The following WDPCP variants were observed in gnomAD, a reference collection of about 807,000 sequenced individuals.
The protein encoded by WDPCP is WD repeat containing planar cell polarity effector, also known as WD repeat-containing and planar cell polarity effector protein fritz homolog.
WDPCP carries 71 observed loss-of-function variants against 93.1 expected under a neutral mutation model. The ratio of observed to expected loss-of-function variants is 0.76; its 90% CI spans 0.63 to 0.93. The LOEUF is 0.93. WDPCP is among the 40% of genes least tolerant of loss of function. The pLI, the probability that WDPCP is intolerant of heterozygous loss-of-function variation, is 0.00. For missense variants in WDPCP, 844 were observed against 887.4 expected, an observed-to-expected ratio of 0.95 and a Z score of 0.62; for synonymous variants, 315 against 315.0, an observed-to-expected ratio of 1.00 and a Z score of 0.00.
At chr2:63,408,866 C>T (rs1257142087) in intron 9 of WDPCP, among the ~76,000 whole-genome samples, 2 of 152,044 alleles carry the variant, frequency 1.3e-5, no homozygotes, top group South Asian at 2.1e-4. Context: ...GGAATGTCAC[C>T]CCCATCCCCC....
chr2:63,517,333 T>A (rs1462820362), intron 1 of WDPCP, among the ~76,000 whole-genome samples: 1 of 152,158 alleles, frequency 6.6e-6, no homozygotes, highest in African/African-American at 2.4e-5. Flanking sequence ...TCATTTCCTA[T>A]GTTTCAAGTC....
chr2:63,484,744 CAA>C (rs1700465255), intron 5 of WDPCP, 81 bp from the exon 6 acceptor site: 1 of 1,574,360 alleles, frequency 6.4e-7, no homozygotes, highest in Non-Finnish European at 8.7e-7. Flanking sequence ...GATTTGCAAG[CAA>C]AAAAAGATCA....
chr2:63,295,613 G>C (rs1241785984), intron 13 of WDPCP, among the ~76,000 whole-genome samples: 2 of 151,722 alleles, frequency 1.3e-5, no homozygotes, highest in African/African-American at 2.4e-5. Context: ...AAATATAAAA[G>C]ATCATCAGAG....
intron 3 of WDPCP, among the ~76,000 whole-genome samples, chr2:63,621,894 T>C (rs1709741826): frequency 1.3e-5 from 2 of 151,274 alleles, no homozygotes; most frequent in Admixed American, 1.3e-4. Flanking sequence ...TTTTTTATTA[T>C]ACTTTAAGTT....
chr2:63,242,098 C>A (rs1236422945), intron 14 of WDPCP, among the ~76,000 whole-genome samples: 1 of 152,064 alleles, frequency 6.6e-6, no homozygotes, highest in Non-Finnish European at 1.5e-5. Flanking sequence ...CAGTTATCTC[C>A]AGGTAATAAT....
At chr2:63,804,632 T>C (rs1387307940) in intron 2 of WDPCP, among the ~76,000 whole-genome samples, 1 of 151,718 alleles carries the variant, frequency 6.6e-6, no homozygotes, top group Non-Finnish European at 1.5e-5. Flanking sequence ...TGCAAGATAA[T>C]GTTGGTGAAC....
chr2:63,388,867 C>T (rs190431307), intron 10 of WDPCP, among the ~76,000 whole-genome samples: 8 of 151,940 alleles, frequency 5.3e-5, no homozygotes, highest in Admixed American at 2.6e-4. Context: ...TAAAAAGAAA[C>T]GAATAAAGAC....
intron 12 of WDPCP, among the ~76,000 whole-genome samples, chr2:63,323,211 G>A (rs747471061): frequency 6.6e-6 from 1 of 152,126 alleles, no homozygotes; most frequent in East Asian, 1.9e-4. Context: ...TTGCCCCCTG[G>A]GTCCTAACGC....
At chr2:63,821,405 C>T (rs1671015061) in intron 1 of WDPCP, among the ~76,000 whole-genome samples, 1 of 152,194 alleles carries the variant, frequency 6.6e-6, no homozygotes, top group African/African-American at 2.4e-5. Flanking sequence ...TTAAGATTTA[C>T]AAGTATCACT....
At chr2:63,789,943 A>G (rs1670523312) in intron 2 of WDPCP, among the ~76,000 whole-genome samples, 1 of 152,228 alleles carries the variant, frequency 6.6e-6, no homozygotes, top group South Asian at 2.1e-4. Context: ...TACTTGAATT[A>G]GCATGTGAAT....
intron 6 of WDPCP, among the ~76,000 whole-genome samples, chr2:63,458,077 T>C (rs1384368592): frequency 6.9e-6 from 1 of 144,058 alleles, no homozygotes; most frequent in Non-Finnish European, 1.5e-5. Flanking sequence ...TAAGCCGAGA[T>C]CGCACCACCA....
At chr2:63,417,683 G>T (rs1223515045) in intron 9 of WDPCP, among the ~76,000 whole-genome samples, 1 of 149,554 alleles carries the variant, frequency 6.7e-6, no homozygotes, top group Non-Finnish European at 1.5e-5. Context: ...CAGACCCTTG[G>T]TGCAAAAGTT....
chr2:63,588,885 G>A (rs1709072384), upstream of WDPCP: 1 of 907,036 alleles, frequency 1.1e-6, no homozygotes. Context: ...CCACAACCAG[G>A]GCAGCGTAAA....
intron 14 of WDPCP, among the ~76,000 whole-genome samples, chr2:63,251,831 A>G (rs538345581): frequency 2.6e-5 from 4 of 151,960 alleles, no homozygotes; most frequent in Non-Finnish European, 5.9e-5. Context: ...GACCAGATGG[A>G]TTTGCAGCTG....
intron 2 of WDPCP, among the ~76,000 whole-genome samples, chr2:63,795,098 T>A (rs921070532): frequency 2.6e-5 from 4 of 152,212 alleles, no homozygotes; most frequent in Admixed American, 2.0e-4. Context: ...TAACAGAAAT[T>A]CTCATTGTTT....
At chr2:63,715,848 T>G (rs1422406897) in intron 2 of WDPCP, among the ~76,000 whole-genome samples, 2 of 152,164 alleles carry the variant, frequency 1.3e-5, no homozygotes, top group East Asian at 3.9e-4. Context: ...ACTTAAGGTT[T>G]TGGGACCTAG....
At chr2:63,824,582 T>C (rs1340791458) in intron 1 of WDPCP, among the ~76,000 whole-genome samples, 1 of 149,680 alleles carries the variant, frequency 6.7e-6, no homozygotes, top group African/African-American at 2.4e-5. Flanking sequence ...GGAAGGGTTG[T>C]TCAATAAAAT....
chr2:63,727,475 T>A (rs1669508814), intron 2 of WDPCP, among the ~76,000 whole-genome samples: 1 of 152,186 alleles, frequency 6.6e-6, no homozygotes, highest in Non-Finnish European at 1.5e-5. Flanking sequence ...GTTTTACATC[T>A]ATGCTCATCA....
chr2:63,225,703 T>A (rs1406388707), intron 14 of WDPCP, among the ~76,000 whole-genome samples: 1 of 151,962 alleles, frequency 6.6e-6, no homozygotes, highest in Non-Finnish European at 1.5e-5. Context: ...ACAAACATAA[T>A]AGTAATAAAA....
Sources: gnomAD v4.1 joint callset for allele counts (sites outside exome capture counted in the v4.1 genomes callset) on GRCh38, gnomAD v4.1.1 for gene constraint, MANE v1.5 for transcripts, NCBI Gene and HGNC (gene_info 2026-07-23, HGNC 2026-07-21) for gene names.